TRPV5: variants seen among roughly 807,000 people sequenced by gnomAD.
TRPV5 encodes the protein transient receptor potential cation channel subfamily V member 5.
A neutral mutation model predicts 74.1 loss-of-function variants in TRPV5; 66 were observed. The ratio of observed to expected loss-of-function variants is 0.89; its 90% CI spans 0.73 to 1.09. The LOEUF is 1.09. Among genes scored for constraint, TRPV5 ranks in the 50% least tolerant of loss-of-function variants. The pLI is 0.00. For missense variants in TRPV5, 936 were observed against 930.4 expected (o/e 1.01, Z -0.08); for synonymous variants, 399 against 360.7 (o/e 1.11, Z -1.20).
In TRPV5 at chr7:142,908,123, T is replaced by C; in HGVS notation, c.*391A>G. On this transcript the variant is annotated 3_prime_UTR_variant, in exon 15 of 15. Transcript: ENST00000265310. ...TGGGAAAAAAAGAAGGGCCACAACCTCTATGCCATGCCTGGCTCTTCCCAC... is the reference window on the plus strand; with the variant it reads ...TGGGAAAAAAAGAAGGGCCACAACCCCTATGCCATGCCTGGCTCTTCCCAC... 1 of 227,350 alleles carries C rather than the reference T, an allele frequency of 4.4e-6. No homozygotes were observed. The highest frequency in any genetic ancestry group is 8.7e-6 in the Non-Finnish European group (1 of 115,308). The allele number at this position is 227,350 out of a possible 1,614,324, so 14.1% of individuals were successfully genotyped here.
intron 12 of TRPV5, among the ~76,000 whole-genome samples, chr7:142,914,196 A>T (rs1795752020): frequency 6.6e-6 from 1 of 152,216 alleles, no homozygotes; most frequent in Non-Finnish European, 1.5e-5. Flanking sequence ...CATATAGAAA[A>T]AAAGCAAGTT....
At chr7:142,932,782 AACACCCCTC>A (rs1416676003) in intron 1 of TRPV5, among the ~76,000 whole-genome samples, 1 of 152,108 alleles carries the variant, frequency 6.6e-6, no homozygotes, top group Non-Finnish European at 1.5e-5. Context: ...ATTGGGATCT[AACACCCCTC>A]TGCACACAGT....
chr7:142,933,252 T>C, intron 1 of TRPV5, 80 bp downstream of exon 1: 1 of 1,559,924 alleles, frequency 6.4e-7, no homozygotes, highest in Non-Finnish European at 8.7e-7. Context: ...TAGGGTGCTG[T>C]ATTCGGAAAG....
In TRPV5 at chr7:142,930,049, G is replaced by C; in HGVS notation, c.349+9C>G. On this transcript the variant is annotated intron_variant, in intron 3 of 14. Coordinates refer to ENST00000265310, the MANE Select transcript of TRPV5 (RefSeq NM_019841.7). ...GTTTCCACCTTGAATTACCATGTAG[G>C]CTCCTTACCTGCAAAAGCCTCACAT... 1.2e-6 allele frequency: 2 copies of C among 1,613,850 alleles called. No homozygotes were observed. The highest frequency in any genetic ancestry group is 1.7e-6 in the Non-Finnish European group (2 of 1,179,942).
chr7:142,925,827 C>G, intron 7 of TRPV5, 86 bp from the exon 8 acceptor site: 1 of 1,123,808 alleles, frequency 8.9e-7, no homozygotes, highest in South Asian at 1.3e-5. Flanking sequence ...GGCAGGGCAG[C>G]AACCATCACT....
At position 142,923,297 on chromosome 7, in the gene TRPV5, G is replaced by A. The variant is rs761178214; in HGVS notation, c.1122+2232C>T. Among the ~76,000 whole-genome samples, 24 of 152,124 alleles carry A rather than the reference G, an allele frequency of 1.6e-4. 1 individual carries two copies. Among genetic ancestry groups the A allele is most frequent in the Admixed American group, 5.9e-4 (9 of 15,274 alleles). On this transcript the variant is annotated intron_variant, in intron 8 of 14. Coordinates refer to ENST00000265310, the MANE Select transcript of TRPV5 (RefSeq NM_019841.7). ...TTTTCATTTTTTCTAAGACTTTCAA[G>A]TAAGAAAACAGTAGGAAAAAAAAGG...
intron 1 of TRPV5, among the ~76,000 whole-genome samples, chr7:142,932,571 C>A (rs1796114326): frequency 6.6e-6 from 1 of 152,186 alleles, no homozygotes; most frequent in Non-Finnish European, 1.5e-5. Flanking sequence ...CCTCACCCCT[C>A]AGGCAGCTGT....
intron 8 of TRPV5, among the ~76,000 whole-genome samples, chr7:142,916,827 A>G (rs1271229670): frequency 6.6e-6 from 1 of 151,676 alleles, no homozygotes; most frequent in African/African-American, 2.4e-5. Flanking sequence ...CTAGGAGAGA[A>G]GCTTCTGTCT....
In TRPV5 at chr7:142,928,107, AC is replaced by A; in HGVS notation, c.889del (p.Val297SerfsTer17). The A allele has an allele frequency of 1.2e-6, 2 of 1,614,154 alleles. No individual in the cohort carries two copies. The highest frequency in any genetic ancestry group is 1.7e-6 in the Non-Finnish European group (2 of 1,180,018). ...CCATACCTCTCGTTTATCAGAGGAG[AC>A]CACAAGCTCCAGGAAGGACAGCTCC... Reference protein sequence around the residue: ...GEELSFLELVVSSDKREARQI... With the variant: ...GEELSFLELVXSSDKREARQI... On this transcript the variant is annotated frameshift_variant, in exon 7 of 15. Transcript: ENST00000265310. LOFTEE classifies it high-confidence loss of function.
Position 142,933,497 on chromosome 7 carries a change from T to G in TRPV5, c.-38A>C. 6.2e-7 allele frequency: 1 copy of G among 1,600,544 alleles called. No homozygotes were observed. The highest frequency in any genetic ancestry group is 1.3e-5 in the African/African-American group (1 of 74,444). The stretch of plus-strand genomic sequence containing the variant: ...CAGACACTGGCAGATTATAGAAATG[T>G]GGCGAAAGAAACAGGTCTAGGATGA... On this transcript the variant is annotated 5_prime_UTR_variant, in exon 1 of 15. Transcript: ENST00000265310.
chr7:142,909,456 A>G (rs187235543), intron 14 of TRPV5, 34 bp downstream of exon 14: 36 of 1,609,742 alleles, frequency 2.2e-5, no homozygotes, highest in Non-Finnish European at 3.1e-5. Context: ...CCTTATACAC[A>G]TCTGCAGTTT....
At position 142,933,477 on chromosome 7, in the gene TRPV5, A is replaced by C; in HGVS notation, c.-18T>G. ...CCCCCCATGTCTTCTCCTTGCAGAC[A>C]CTGGCAGATTATAGAAATGTGGCGA... On this transcript the variant is annotated 5_prime_UTR_variant, in exon 1 of 15. Coordinates refer to ENST00000265310, the MANE Select transcript of TRPV5 (RefSeq NM_019841.7). 1 of 1,608,260 alleles carries C rather than the reference A, an allele frequency of 6.2e-7. No homozygotes were observed. Among genetic ancestry groups the C allele is most frequent in the Non-Finnish European group, 8.5e-7 (1 of 1,177,920 alleles).
intron 4 of TRPV5, 92 bp from the exon 5 acceptor site, chr7:142,929,212 C>G: frequency 1.3e-6 from 2 of 1,526,194 alleles, no homozygotes. Context: ...TCCTCATCCC[C>G]CATATCTCAG....
At chr7:142,920,821 A>C (rs900497522) in intron 8 of TRPV5, among the ~76,000 whole-genome samples, 152,337 of 152,338 alleles carry the variant, frequency 1, 76,168 homozygotes, top group Non-Finnish European at 1. Flanking sequence ...CATTGGCCTC[A>C]CCTGGCAGCT....
Position 142,925,422 on chromosome 7 carries a change from C to T in TRPV5, c.1122+107G>A, listed in dbSNP as rs768246715. 27 of 1,206,520 alleles carry T rather than the reference C, an allele frequency of 2.2e-5. No homozygotes were observed. The Middle Eastern group carries it at 8.1e-4, about 36-fold the overall frequency. The allele number at this position is 1,206,520 out of a possible 1,614,324, so 74.7% of individuals were successfully genotyped here. ...CTACCTGGGTGTTTAGGAGCCTACA[C>T]CTGCTGGAACCCAGAGCGTGGCATC... On this transcript the variant is annotated intron_variant, in intron 8 of 14. Coordinates refer to ENST00000265310, the MANE Select transcript of TRPV5 (RefSeq NM_019841.7).
chr7:142,916,569 C>T (rs1278659961), intron 8 of TRPV5, among the ~76,000 whole-genome samples: 1 of 152,202 alleles, frequency 6.6e-6, no homozygotes, highest in East Asian at 1.9e-4. Context: ...CTTTTGGGAG[C>T]TCTGTTGTCC....
Position 142,925,663 on chromosome 7 carries a change from A to G in TRPV5, c.988T>C (p.Cys330Arg). Residue 330 changes from cysteine to arginine, a missense_variant, in exon 8 of 15, where the codon TGC becomes CGC. Physicochemically the swap from Cys to Arg is radical, Grantham distance 180 (BLOSUM62 -3). Transcript: ENST00000265310. Reference protein sequence around the residue: ...KWNKYGRPYFCILAALYLLYM... With the variant: ...KWNKYGRPYFRILAALYLLYM... The stretch of plus-strand genomic sequence containing the variant: ...AGCAGGTACAAGGCAGCCAGGATGC[A>G]GAAGTACGGCCGGCCATACTTGTTC... 1 of 1,614,218 alleles carries G rather than the reference A, an allele frequency of 6.2e-7. No homozygotes were observed. Among genetic ancestry groups the G allele is most frequent in the East Asian group, 2.2e-5 (1 of 44,884 alleles).
At position 142,924,309 on chromosome 7, in the gene TRPV5, TATACACACATATAC is replaced by T. The variant is rs1795939842; in HGVS notation, c.1122+1206_1122+1219del. ...ATACATGTATATATATACATATATA[TATACACACATATAC>T]ATGTATATATATACATATATATATA... On this transcript the variant is annotated intron_variant, in intron 8 of 14. Transcript: ENST00000265310. Among the ~76,000 whole-genome samples the T allele has an allele frequency of 7.2e-5, 2 of 27,886 alleles. 1 individual carries two copies. Among genetic ancestry groups the T allele is most frequent in the Non-Finnish European group, 1.6e-4 (2 of 12,324 alleles). 18.3% of individuals were successfully genotyped at this position (27,886 alleles called of 152,430 possible). A position where few individuals can be genotyped will look rare whatever the true frequency, so the allele number is the denominator to read the frequency against.
In TRPV5 at chr7:142,912,554, G is replaced by A. The variant is rs796761302; in HGVS notation, c.1716C>T (p.Asn572=). ...TGTCGCCCATCATGGCGATGAACAA[G>A]TTGAGCATGAGCAGTGTGGCAATGA... ...FTIIATLLML[N]LFIAMMGDTH... Residue 572 remains asparagine (N), a synonymous_variant, in exon 13 of 15, where the codon AAC becomes AAT. Transcript: ENST00000265310. 1.2e-6 allele frequency: 2 copies of A among 1,614,150 alleles called. No individual in the cohort carries two copies. The highest frequency in any genetic ancestry group is 1.1e-5 in the South Asian group (1 of 91,086).
Sources: gnomAD v4.1 joint callset for allele counts (sites outside exome capture counted in the v4.1 genomes callset) on GRCh38, gnomAD v4.1.1 for gene constraint, MANE v1.5 for transcripts, NCBI Gene and HGNC (gene_info 2026-07-23, HGNC 2026-07-21) for gene names.